KAZN: variants seen among roughly 807,000 people sequenced by gnomAD.
KAZN encodes the protein kazrin.
A neutral mutation model predicts 87.4 loss-of-function variants in KAZN; 40 were observed. The observed-to-expected ratio is 0.46, with a 90% CI of 0.36 to 0.60. KAZN has a LOEUF of 0.60. KAZN is among the 20% of genes least tolerant of loss of function. The pLI is 0.00. For missense variants in KAZN, 898 were observed against 1,073.9 expected (o/e 0.84, Z 2.29); for synonymous variants, 466 against 458.3 (o/e 1.02, Z -0.22).
At chr1:14,759,949 GAACTTA>G (rs1280086999) in intron 1 of KAZN, among the ~76,000 whole-genome samples, 1 of 152,050 alleles carries the variant, frequency 6.6e-6, no homozygotes, top group African/African-American at 2.4e-5. Flanking sequence ...CGGCCTCCGA[GAACTTA>G]AGTACCTGGG....
chr1:14,722,609 T>C (rs1233534479), intron 1 of KAZN, among the ~76,000 whole-genome samples: 1 of 152,254 alleles, frequency 6.6e-6, no homozygotes, highest in Non-Finnish European at 1.5e-5. Context: ...TAAAATTTAC[T>C]TTACTTTGTC....
At chr1:14,226,776 C>T (rs1419211299) in intron 2 of KAZN, among the ~76,000 whole-genome samples, 2 of 152,082 alleles carry the variant, frequency 1.3e-5, no homozygotes, top group Non-Finnish European at 2.9e-5. Flanking sequence ...AGCCATTATC[C>T]TAAGTAAATT....
At chr1:14,992,452 C>T (rs1014582725) in intron 2 of KAZN, among the ~76,000 whole-genome samples, 5 of 152,102 alleles carry the variant, frequency 3.3e-5, no homozygotes, top group Non-Finnish European at 7.4e-5. Context: ...GGCCATTATT[C>T]GATGAGGACC....
chr1:14,833,285 G>A (rs781451592), intron 1 of KAZN, among the ~76,000 whole-genome samples: 10 of 152,052 alleles, frequency 6.6e-5, no homozygotes, highest in Non-Finnish European at 1.0e-4. Flanking sequence ...GAGTGTCCAT[G>A]CCCCCCCACT....
chr1:14,470,050 T>C (rs569391613), intron 2 of KAZN, among the ~76,000 whole-genome samples: 3 of 152,322 alleles, frequency 2.0e-5, no homozygotes, highest in Admixed American at 2.0e-4. Context: ...AGCAAAGCTG[T>C]TGTTATTGAC....
intron 1 of KAZN, among the ~76,000 whole-genome samples, chr1:14,026,437 C>T (rs1447347826): frequency 1.3e-5 from 2 of 152,272 alleles, no homozygotes; most frequent in African/African-American, 2.4e-5. Flanking sequence ...CATCTTAGCC[C>T]CATGCATGAA....
chr1:14,526,155 G>A (rs1671851741), intron 2 of KAZN, among the ~76,000 whole-genome samples: 1 of 152,192 alleles, frequency 6.6e-6, no homozygotes, highest in African/African-American at 2.4e-5. Context: ...CCCTGGCTTT[G>A]AAGCCCTCCT....
At chr1:14,594,808 TG>T (rs1200055458), upstream of KAZN, among the ~76,000 whole-genome samples, 5 of 151,980 alleles carry the variant, frequency 3.3e-5, no homozygotes, top group Non-Finnish European at 7.4e-5. Context: ...GACAGGCAAA[TG>T]GGCTTGCAGG....
chr1:14,883,351 AAAGAAAAGAAAG>A (rs1199067555), intron 1 of KAZN, among the ~76,000 whole-genome samples: 2 of 31,030 alleles, frequency 6.4e-5, no homozygotes, highest in Non-Finnish European at 1.4e-4. Context: ...AGAAAGAAAG[AAAGAAAAGAAAG>A]AAAGAAAGAA....
chr1:15,095,944 G>T (rs1460885058), intron 10 of KAZN, among the ~76,000 whole-genome samples: 1 of 152,162 alleles, frequency 6.6e-6, no homozygotes, highest in Non-Finnish European at 1.5e-5. Context: ...GCAAGAAGGT[G>T]CCAGGCCTCA....
At chr1:14,345,905 G>C (rs951423683) in intron 2 of KAZN, among the ~76,000 whole-genome samples, 13 of 152,170 alleles carry the variant, frequency 8.5e-5, no homozygotes, top group African/African-American at 3.1e-4. Flanking sequence ...AGAGCAAAAA[G>C]AAGTTCTCTC....
At chr1:15,031,683 A>G (rs1025120950) in intron 2 of KAZN, among the ~76,000 whole-genome samples, 3 of 152,070 alleles carry the variant, frequency 2.0e-5, no homozygotes, top group Non-Finnish European at 4.4e-5. Flanking sequence ...GACTCACTGC[A>G]GCCTCAACCT....
At chr1:14,387,363 C>T (rs1361446862) in intron 2 of KAZN, among the ~76,000 whole-genome samples, 4 of 152,328 alleles carry the variant, frequency 2.6e-5, no homozygotes, top group South Asian at 2.1e-4. Flanking sequence ...TGAGGAACTG[C>T]GTTCCTTTGG....
At chr1:14,896,288 C>A (rs1488641067) in intron 1 of KAZN, among the ~76,000 whole-genome samples, 1 of 152,236 alleles carries the variant, frequency 6.6e-6, no homozygotes. Flanking sequence ...CTCTTGACCT[C>A]GTGATCCGCC....
chr1:14,575,514 C>A (rs1675125648), intron 2 of KAZN, among the ~76,000 whole-genome samples: 1 of 152,132 alleles, frequency 6.6e-6, no homozygotes, highest in East Asian at 1.9e-4. Flanking sequence ...AGATCCCTCC[C>A]AAAACACGTG....
At chr1:13,942,962 AG>A (rs1314481766) in intron 1 of KAZN, among the ~76,000 whole-genome samples, 1 of 152,198 alleles carries the variant, frequency 6.6e-6, no homozygotes, top group Non-Finnish European at 1.5e-5. Flanking sequence ...AAAGGGTAAG[AG>A]ACATATGGAC....
At chr1:14,799,189 A>G (rs937061266) in intron 1 of KAZN, among the ~76,000 whole-genome samples, 4 of 152,154 alleles carry the variant, frequency 2.6e-5, no homozygotes, top group African/African-American at 4.8e-5. Context: ...AACCTATCCT[A>G]CCCTGTTTAA....
At chr1:14,329,602 C>T (rs950847767) in intron 2 of KAZN, among the ~76,000 whole-genome samples, 1 of 152,168 alleles carries the variant, frequency 6.6e-6, no homozygotes, top group East Asian at 1.9e-4. Flanking sequence ...GGTCTGCCCA[C>T]TCCAAAGACC....
intron 1 of KAZN, among the ~76,000 whole-genome samples, chr1:14,895,678 C>T (rs1189052893): frequency 6.6e-6 from 1 of 152,172 alleles, no homozygotes; most frequent in Admixed American, 6.5e-5. Flanking sequence ...GTCTTTTCAG[C>T]CCCTTCATCA....
Sources: allele counts gnomAD v4.1 joint callset (sites outside exome capture counted in the v4.1 genomes callset), GRCh38; gene constraint gnomAD v4.1.1; transcripts MANE v1.5; gene names NCBI Gene and HGNC (gene_info 2026-07-23, HGNC 2026-07-21).